Variants in TPO observed in about 807,000 individuals in gnomAD.
TPO encodes the protein thyroid microsomal antigen.
TPO carries 78 observed loss-of-function variants against 96.9 expected under a neutral mutation model. That is an observed-to-expected ratio of 0.81 (90% CI 0.67 to 0.97). TPO has a LOEUF of 0.97. TPO is among the 50% of genes least tolerant of loss of function. The pLI is 0.00. For synonymous variants in TPO, 547 were observed against 538.0 expected, an observed-to-expected ratio of 1.02 and a Z score of -0.23; for missense variants, 1,252 against 1,274.8, an observed-to-expected ratio of 0.98 and a Z score of 0.27.
At chr2:1,431,595 T>C (rs907227239) in intron 3 of TPO, among the ~76,000 whole-genome samples, 1 of 152,218 alleles carries the variant, frequency 6.6e-6, no homozygotes, top group Non-Finnish European at 1.5e-5. Context: ...AAAGTTAACA[T>C]ACCCATCACC....
chr2:1,527,649 C>G (rs1676901476), intron 15 of TPO, among the ~76,000 whole-genome samples: 1 of 133,918 alleles, frequency 7.5e-6, no homozygotes, highest in Admixed American at 7.2e-5. Context: ...CTCCCCAAAT[C>G]CCCCCCCAAT....
At chr2:1,515,374 C>T (rs1363993967) in intron 14 of TPO, among the ~76,000 whole-genome samples, 1 of 152,208 alleles carries the variant, frequency 6.6e-6, no homozygotes, top group Non-Finnish European at 1.5e-5. Context: ...CCTGCAGACT[C>T]CCCTGCGTCT....
At chr2:1,401,920 C>T (rs561547117) in intron 1 of TPO, among the ~76,000 whole-genome samples, 5 of 152,198 alleles carry the variant, frequency 3.3e-5, no homozygotes, top group South Asian at 2.1e-4. Context: ...CACTGAGTGC[C>T]GCGAGCCAGC....
At chr2:1,395,541 TAAA>T (rs962959628) in intron 1 of TPO, among the ~76,000 whole-genome samples, 2 of 152,164 alleles carry the variant, frequency 1.3e-5, no homozygotes, top group African/African-American at 4.8e-5. Context: ...TTATGTATAA[TAAA>T]ATAAAAAACA....
rs28913013 is a variant in TPO at position 1,516,866 on chromosome 2, C to G, written c.2519-17C>G. ...CCCTGGAAGGTTCTTCTAACCAGGC[C>G]TCTTTCTGTGCCCCAGACTCCGGGA... On this transcript the variant is annotated splice_polypyrimidine_tract_variant and intron_variant, in intron 14 of 16. Coordinates refer to ENST00000329066, the MANE Select transcript of TPO (RefSeq NM_001206744.2). The G allele has an allele frequency of 2.9e-5, 46 of 1,613,298 alleles. No individual in the cohort carries two copies. Among genetic ancestry groups the G allele is most frequent in the African/African-American group, 2.4e-4 (18 of 75,046 alleles).
At chr2:1,384,461 C>G (rs1661856604) in intron 1 of TPO, among the ~76,000 whole-genome samples, 1 of 152,056 alleles carries the variant, frequency 6.6e-6, no homozygotes, top group African/African-American at 2.4e-5. Context: ...GTATTTTATT[C>G]TCTTTGAAGC....
chr2:1,498,176 C>T (rs1361327653), intron 13 of TPO, among the ~76,000 whole-genome samples: 1 of 152,126 alleles, frequency 6.6e-6, no homozygotes, highest in South Asian at 2.1e-4. Flanking sequence ...AATGTTTCTC[C>T]TTGAAGGGTT....
chr2:1,459,778 C>T lies in TPO; in HGVS notation c.819+3496C>T, dbSNP rs188831236. Among the ~76,000 whole-genome samples the T allele has an allele frequency of 1.4e-3, 208 of 152,270 alleles. 1 individual carries two copies. Among genetic ancestry groups the T allele is most frequent in the African/African-American group, 5.0e-3 (206 of 41,552 alleles). Reference sequence around the variant, plus strand: ...GTCAATCATAGAAACTGAATTTCAGCCAGGTCCAGCCTCTGTCCCTGGGAG... The same window carrying T: ...GTCAATCATAGAAACTGAATTTCAGTCAGGTCCAGCCTCTGTCCCTGGGAG... On this transcript the variant is annotated intron_variant, in intron 7 of 16. Transcript: ENST00000329066.
intron 5 of TPO, among the ~76,000 whole-genome samples, chr2:1,451,371 G>T (rs1370874086): frequency 2.0e-5 from 3 of 152,148 alleles, no homozygotes; most frequent in African/African-American, 4.8e-5. Context: ...AAAGGCGATG[G>T]TAATTTATGA....
At chr2:1,474,519 G>C (rs1453306037) in intron 7 of TPO, among the ~76,000 whole-genome samples, 3 of 152,188 alleles carry the variant, frequency 2.0e-5, no homozygotes, top group Admixed American at 6.5e-5. Flanking sequence ...CAACCTTGGA[G>C]TTACCTATCC....
chr2:1,467,022 GCTATGAACTTTCCT>G (rs1668959193), intron 7 of TPO, among the ~76,000 whole-genome samples: 1 of 152,008 alleles, frequency 6.6e-6, no homozygotes, highest in African/African-American at 2.4e-5. Flanking sequence ...GGCATTTAGG[GCTATGAACTTTCCT>G]CTTAGCACCG....
Position 1,523,142 on chromosome 2 carries a change from G to C in TPO, c.2618+6160G>C, listed in dbSNP as rs1366348186. Among the ~76,000 whole-genome samples, 3 of 136,030 alleles carry C rather than the reference G, an allele frequency of 2.2e-5. No homozygotes were observed. The Admixed American group carries it at 2.3e-4, about 10-fold the overall frequency. 89.2% of individuals were successfully genotyped at this position (136,030 alleles called of 152,430 possible). ...CCTCCCCAAATCCGCCCCACCCTGTGCATCCTCCCAAAATCCCCCACACTG... is the reference window on the plus strand; with the variant it reads ...CCTCCCCAAATCCGCCCCACCCTGTCCATCCTCCCAAAATCCCCCACACTG... On this transcript the variant is annotated intron_variant, in intron 15 of 16. Transcript: ENST00000329066.
chr2:1,540,566 CCGATAA>C, intron 15 of TPO, 22 bp from the exon 16 acceptor site: 1 of 1,611,610 alleles, frequency 6.2e-7, no homozygotes, highest in Non-Finnish European at 8.5e-7. Context: ...GGACCCTCTC[CCGATAA>C]CTGGACACGT....
chr2:1,517,743 TCTTGAGCACCAAACTC>T lies in TPO; in HGVS notation c.2618+770_2618+785del, dbSNP rs374027171. On this transcript the variant is annotated intron_variant, in intron 15 of 16. Transcript: ENST00000329066. Reference sequence around the variant, plus strand: ...TTGCTGCTGCCTCTCACCTTGCTGCTCTTGAGCACCAAACTCCTTGAGCATCCCTTCCATTTTTAAT... The same window carrying T: ...TTGCTGCTGCCTCTCACCTTGCTGCTCTTGAGCATCCCTTCCATTTTTAAT... 3.8e-3 allele frequency among the ~76,000 whole-genome samples: 571 copies of T among 150,946 alleles called. 5 individuals are homozygous for T. The highest frequency in any genetic ancestry group is 0.014 in the African/African-American group (546 of 40,284).
At position 1,433,668 on chromosome 2, in the gene TPO, T is replaced by G. The variant is rs1665260574; in HGVS notation, c.349+61T>G. 8.9e-6 allele frequency: 14 copies of G among 1,575,692 alleles called. No homozygotes were observed. The South Asian group carries it at 1.6e-4, about 18-fold the overall frequency. ...ACTCCCGAAGGAGGACACCTTGACT[T>G]TGTGCAGGGGCTGCTTGCTCAGGGC... On this transcript the variant is annotated intron_variant, in intron 4 of 16. Transcript: ENST00000329066.
chr2:1,408,685 T>C (rs778304835), upstream of TPO, among the ~76,000 whole-genome samples: 1 of 152,180 alleles, frequency 6.6e-6, no homozygotes, highest in African/African-American at 2.4e-5. Flanking sequence ...AAAAGTACAT[T>C]CATTAATTAA....
chr2:1,522,118 CGACACCGGCCCT>C (rs1364720758), intron 15 of TPO, among the ~76,000 whole-genome samples: 2 of 150,098 alleles, frequency 1.3e-5, no homozygotes, highest in Non-Finnish European at 3.0e-5. Flanking sequence ...TCTCTCTACC[CGACACCGGCCCT>C]GCCACCGTGC....
chr2:1,493,025 A>G (rs1402128793), intron 10 of TPO, among the ~76,000 whole-genome samples: 1 of 152,040 alleles, frequency 6.6e-6, no homozygotes, highest in African/African-American at 2.4e-5. Flanking sequence ...GCAGCCACAG[A>G]GTCAGACCAT....
intron 14 of TPO, among the ~76,000 whole-genome samples, chr2:1,515,487 G>C (rs1674596122): frequency 6.6e-6 from 1 of 152,200 alleles, no homozygotes; most frequent in African/African-American, 2.4e-5. Flanking sequence ...GGATCGTTTT[G>C]GAGAAACAGT....
Sources: allele counts gnomAD v4.1 joint callset (sites outside exome capture counted in the v4.1 genomes callset), GRCh38; gene constraint gnomAD v4.1.1; transcripts MANE v1.5; gene names NCBI Gene and HGNC (gene_info 2026-07-23, HGNC 2026-07-21).